Variants in CRCP observed in about 807,000 individuals in gnomAD.
CRCP encodes DNA-directed RNA polymerase III subunit RPC9.
A neutral mutation model predicts 18.5 loss-of-function variants in CRCP; 18 were observed. That is an observed-to-expected ratio of 0.97 (90% CI 0.67 to 1.44). CRCP has a LOEUF of 1.44. Among genes scored for constraint, CRCP ranks in the 40% most tolerant of loss-of-function variants. CRCP has a pLI of 0.00. For missense variants in CRCP, 130 were observed against 176.4 expected (o/e 0.74, Z 1.49); for synonymous variants, 53 against 62.9 (o/e 0.84, Z 0.75).
At chr7:66,142,807 C>T (rs185016039) in intron 4 of CRCP, among the ~76,000 whole-genome samples, 71 of 152,206 alleles carry the variant, frequency 4.7e-4, no homozygotes, top group African/African-American at 1.7e-3. Flanking sequence ...TCTCCTGGCC[C>T]GTTAAATGGA....
intron 4 of CRCP, among the ~76,000 whole-genome samples, chr7:66,144,841 A>G (rs1032006754): frequency 1.3e-5 from 2 of 152,058 alleles, no homozygotes; most frequent in African/African-American, 4.8e-5. Context: ...TTTTCTTCAC[A>G]TTTTCCAGAT....
At chr7:66,116,546 G>A (rs1787269501) in intron 1 of CRCP, among the ~76,000 whole-genome samples, 1 of 150,876 alleles carries the variant, frequency 6.6e-6, no homozygotes, top group Admixed American at 6.6e-5. Flanking sequence ...CCACTGATGG[G>A]ATTTCATCTG....
chr7:66,136,894 A>G (rs1281019879), intron 4 of CRCP, among the ~76,000 whole-genome samples: 2 of 151,534 alleles, frequency 1.3e-5, no homozygotes, highest in African/African-American at 2.4e-5. Flanking sequence ...CCTGGCCAAC[A>G]TGGTGAAACC....
chr7:66,130,109 T>C, intron 2 of CRCP: 1 of 318,126 alleles, frequency 3.1e-6, no homozygotes. Flanking sequence ...TTTTTTTTTT[T>C]TTTTTTTTTT....
intron 4 of CRCP, among the ~76,000 whole-genome samples, chr7:66,142,005 C>T (rs1266285245): frequency 2.6e-5 from 4 of 152,074 alleles, no homozygotes; most frequent in Non-Finnish European, 5.9e-5. Context: ...TTTCAGGGAG[C>T]GGTTGTGAAT....
intron 5 of CRCP, among the ~76,000 whole-genome samples, chr7:66,151,252 C>T (rs534087874): frequency 2.6e-5 from 4 of 152,248 alleles, no homozygotes; most frequent in South Asian, 2.1e-4. Flanking sequence ...CATCATCAAC[C>T]GTGTTGCTGA....
chr7:66,119,431 A>C (rs895424495), intron 1 of CRCP, among the ~76,000 whole-genome samples: 4 of 152,108 alleles, frequency 2.6e-5, no homozygotes, highest in Non-Finnish European at 5.9e-5. Context: ...CCTAAAGAGG[A>C]GGTCTTGGGA....
intron 2 of CRCP, among the ~76,000 whole-genome samples, chr7:66,129,206 G>A (rs1444722278): frequency 1.3e-5 from 2 of 152,254 alleles, no homozygotes; most frequent in South Asian, 2.1e-4. Flanking sequence ...GGTGGCGGGC[G>A]CCTGTAATCC....
chr7:66,120,646 C>A (rs1787408806), intron 1 of CRCP: 1 of 152,014 alleles, frequency 6.6e-6, no homozygotes, highest in Non-Finnish European at 1.5e-5. Context: ...CCTTGAACAA[C>A]ACGAGCTTGA....
intron 1 of CRCP, among the ~76,000 whole-genome samples, chr7:66,123,050 G>C (rs1352473981): frequency 6.6e-6 from 1 of 150,724 alleles, no homozygotes; most frequent in Non-Finnish European, 1.5e-5. Flanking sequence ...CGCCTCCCGG[G>C]TTCACGCCAT....
intron 4 of CRCP, among the ~76,000 whole-genome samples, chr7:66,141,377 G>A (rs1788133564): frequency 1.3e-5 from 2 of 151,784 alleles, no homozygotes; most frequent in South Asian, 2.1e-4. Context: ...CGCCCACCCT[G>A]CTGCCCGTCC....
chr7:66,115,724 T>TTA (rs1259607595), intron 1 of CRCP, among the ~76,000 whole-genome samples: 1 of 152,224 alleles, frequency 6.6e-6, no homozygotes, highest in Non-Finnish European at 1.5e-5. Context: ...TTTGAACTGA[T>TTA]TATTTGATAC....
chr7:66,115,773 A>G (rs747607324), intron 1 of CRCP, among the ~76,000 whole-genome samples: 2 of 152,154 alleles, frequency 1.3e-5, no homozygotes, highest in Non-Finnish European at 2.9e-5. Context: ...TTTAATGGTT[A>G]TATGTACTAT....
intron 3 of CRCP, among the ~76,000 whole-genome samples, chr7:66,132,396 T>C (rs1787834675): frequency 6.6e-6 from 1 of 152,206 alleles, no homozygotes; most frequent in Non-Finnish European, 1.5e-5. Context: ...GTAGAATGTC[T>C]GTTGATTTGT....
intron 2 of CRCP, chr7:66,130,271 A>G (rs1787758363): frequency 9.1e-6 from 2 of 219,964 alleles, no homozygotes; most frequent in Non-Finnish European, 1.8e-5. Flanking sequence ...TGTCCAGCTA[A>G]TTTTTTGTAT....
At chr7:66,115,288 C>T in intron 1 of CRCP, among the ~76,000 whole-genome samples, 1 of 152,144 alleles carries the variant, frequency 6.6e-6, no homozygotes. Flanking sequence ...GGGGTGGAGC[C>T]CAGTCTGGTA....
chr7:66,115,258 C>A (rs1787222899), intron 1 of CRCP, among the ~76,000 whole-genome samples: 1 of 152,170 alleles, frequency 6.6e-6, no homozygotes, highest in Non-Finnish European at 1.5e-5. Flanking sequence ...CGTTTACCAG[C>A]GTTTCTGGGT....
intron 4 of CRCP, among the ~76,000 whole-genome samples, chr7:66,143,370 G>A (rs767653750): frequency 2.0e-5 from 3 of 152,128 alleles, no homozygotes; most frequent in African/African-American, 4.8e-5. Context: ...GATAGTCAGG[G>A]CCCTTTCGAT....
chr7:66,135,692 G>T (rs1210210093), intron 4 of CRCP, among the ~76,000 whole-genome samples: 3 of 152,164 alleles, frequency 2.0e-5, no homozygotes, highest in Non-Finnish European at 2.9e-5. Flanking sequence ...GGAGGCTGAG[G>T]TGGGTGGATC....
Sources: gnomAD v4.1 joint callset for allele counts (sites outside exome capture counted in the v4.1 genomes callset) on GRCh38, gnomAD v4.1.1 for gene constraint, MANE v1.5 for transcripts, NCBI Gene and HGNC (gene_info 2026-07-23, HGNC 2026-07-21) for gene names.